SDCCAG8: variants seen among roughly 807,000 people sequenced by gnomAD.
SDCCAG8 encodes serologically defined colon cancer antigen 8.
SDCCAG8 carries 74 observed loss-of-function variants against 101.8 expected under a neutral mutation model. That is an observed-to-expected ratio of 0.73 (90% CI 0.60 to 0.88). The LOEUF is 0.88. SDCCAG8 is among the 40% of genes least tolerant of loss of function. SDCCAG8 has a pLI of 0.00. For synonymous variants in SDCCAG8, 281 were observed against 292.9 expected, an observed-to-expected ratio of 0.96 and a Z score of 0.41; for missense variants, 787 against 822.6, an observed-to-expected ratio of 0.96 and a Z score of 0.53.
chr1:243,330,696 C>T lies in SDCCAG8; in HGVS notation c.1221+4C>T. On this transcript the variant is annotated splice_donor_region_variant and intron_variant, in intron 10 of 17. Coordinates refer to ENST00000366541, the MANE Select transcript of SDCCAG8 (RefSeq NM_006642.5). ...AAGGGAGTACATGGGATCAAAGGTACTTAAGGACTCTGCTGTTATCCACAT... is the reference window on the plus strand; with the variant it reads ...AAGGGAGTACATGGGATCAAAGGTATTTAAGGACTCTGCTGTTATCCACAT... 1.9e-6 allele frequency: 3 copies of T among 1,614,014 alleles called. No homozygotes were observed. The highest frequency in any genetic ancestry group is 2.5e-6 in the Non-Finnish European group (3 of 1,179,934).
chr1:243,404,141 C>G (rs1032399109), intron 13 of SDCCAG8, among the ~76,000 whole-genome samples: 2 of 152,166 alleles, frequency 1.3e-5, no homozygotes, highest in Non-Finnish European at 2.9e-5. Context: ...CTGAAAGTAT[C>G]CTATTGTTTT....
At chr1:243,477,220 C>T (rs965931237) in intron 16 of SDCCAG8, among the ~76,000 whole-genome samples, 3 of 152,196 alleles carry the variant, frequency 2.0e-5, no homozygotes, top group African/African-American at 7.2e-5. Flanking sequence ...GTGTGCGTGG[C>T]AGTGTGGGTT....
At chr1:243,357,489 C>T (rs1273424861) in intron 12 of SDCCAG8, among the ~76,000 whole-genome samples, 1 of 152,168 alleles carries the variant, frequency 6.6e-6, no homozygotes, top group Non-Finnish European at 1.5e-5. Context: ...AGAGCAATGG[C>T]TTGGTGGGCA....
At position 243,270,251 on chromosome 1, in the gene SDCCAG8, C is replaced by A; in HGVS notation, c.214C>A (p.His72Asn). The A allele has an allele frequency of 6.2e-7, 1 of 1,614,058 alleles. No individual in the cohort carries two copies. Among genetic ancestry groups the A allele is most frequent in the Non-Finnish European group, 8.5e-7 (1 of 1,179,974 alleles). ...AGCCTGGCCCGAATTACAACAGAGC[C>A]ATGCTGGTGAGTGTGAATGTCAATC... Reference protein sequence around the residue: ...RTAWPELQQSHAVNQLKDLLR... With the variant: ...RTAWPELQQSNAVNQLKDLLR... The change falls in exon 2 of 18, where the codon CAT becomes AAT. Residue 72 changes from histidine to asparagine, a missense_variant. Physicochemically the swap from His to Asn is moderately conservative, Grantham distance 68. Coordinates refer to ENST00000366541, the MANE Select transcript of SDCCAG8 (RefSeq NM_006642.5).
intron 8 of SDCCAG8, among the ~76,000 whole-genome samples, chr1:243,310,719 A>G (rs1406071809): frequency 6.6e-6 from 1 of 152,260 alleles, no homozygotes; most frequent in African/African-American, 2.4e-5. Context: ...TATTTGCACT[A>G]TACATGACAA....
At chr1:243,313,014 C>T (rs2072902882) in intron 8 of SDCCAG8, among the ~76,000 whole-genome samples, 1 of 152,176 alleles carries the variant, frequency 6.6e-6, no homozygotes, top group South Asian at 2.1e-4. Flanking sequence ...GATGGAACTG[C>T]TTAAATTCCT....
intron 13 of SDCCAG8, among the ~76,000 whole-genome samples, chr1:243,414,337 G>A (rs564358385): frequency 6.6e-6 from 1 of 152,060 alleles, no homozygotes; most frequent in African/African-American, 2.4e-5. Context: ...TGGTGTGACT[G>A]GGGAGGCAAA....
At chr1:243,348,290 T>A (rs1172945603) in intron 12 of SDCCAG8, among the ~76,000 whole-genome samples, 1 of 150,956 alleles carries the variant, frequency 6.6e-6, no homozygotes, top group African/African-American at 2.4e-5. Context: ...GACCTCTTGA[T>A]CCGCCGGCCT....
chr1:243,430,080 C>T (rs569569201), intron 16 of SDCCAG8, among the ~76,000 whole-genome samples: 1 of 152,048 alleles, frequency 6.6e-6, no homozygotes, highest in Non-Finnish European at 1.5e-5. Flanking sequence ...ACCATCCTCC[C>T]GCCTCGGCCT....
intron 1 of SDCCAG8, among the ~76,000 whole-genome samples, chr1:243,263,228 T>C (rs1343600325): frequency 2.0e-5 from 3 of 152,240 alleles, no homozygotes; most frequent in Admixed American, 1.3e-4. Flanking sequence ...TATTGATTTT[T>C]TTTTATTGTC....
At chr1:243,436,558 G>A (rs1440772247) in intron 16 of SDCCAG8, among the ~76,000 whole-genome samples, 1 of 151,988 alleles carries the variant, frequency 6.6e-6, no homozygotes, top group African/African-American at 2.4e-5. Flanking sequence ...TCATCTGAGA[G>A]GAACACTCTT....
At chr1:243,428,177 A>G (rs940523850) in intron 16 of SDCCAG8, among the ~76,000 whole-genome samples, 6 of 152,198 alleles carry the variant, frequency 3.9e-5, no homozygotes, top group Non-Finnish European at 8.8e-5. Context: ...AAGTAGCTGC[A>G]TTTATCATCT....
intron 10 of SDCCAG8, among the ~76,000 whole-genome samples, chr1:243,336,252 C>T (rs1411587149): frequency 1.3e-5 from 2 of 152,200 alleles, no homozygotes; most frequent in Non-Finnish European, 2.9e-5. Flanking sequence ...ATTCCACCAA[C>T]AGAGCAGAAG....
intron 16 of SDCCAG8, among the ~76,000 whole-genome samples, chr1:243,476,523 A>T (rs1662437714): frequency 6.6e-6 from 1 of 152,192 alleles, no homozygotes; most frequent in South Asian, 2.1e-4. Context: ...CTCTGGGACC[A>T]CACCAGGAGG....
chr1:243,454,858 G>A (rs2083622548), intron 16 of SDCCAG8, among the ~76,000 whole-genome samples: 1 of 152,030 alleles, frequency 6.6e-6, no homozygotes, highest in South Asian at 2.1e-4. Flanking sequence ...GGTGTCTGGG[G>A]TAACCAGAGA....
rs138693100 is a variant in SDCCAG8 at position 243,391,846 on chromosome 1, C to T, written c.1616+12983C>T. Among the ~76,000 whole-genome samples the T allele has an allele frequency of 6.4e-4, 97 of 152,236 alleles. 1 individual carries two copies. In the East Asian group the frequency reaches 0.014, roughly 22 times the overall value. ...GTGTGCAGGAGGTGGGGGTGGTAGGCGGTCAAGGTGAAGCATTCAGAGTGG... is the reference window on the plus strand; with the variant it reads ...GTGTGCAGGAGGTGGGGGTGGTAGGTGGTCAAGGTGAAGCATTCAGAGTGG... On this transcript the variant is annotated intron_variant, in intron 13 of 17. Coordinates refer to ENST00000366541, the MANE Select transcript of SDCCAG8 (RefSeq NM_006642.5).
chr1:243,323,522 G>GT (rs2073924409), intron 9 of SDCCAG8, among the ~76,000 whole-genome samples: 1 of 151,904 alleles, frequency 6.6e-6, no homozygotes, highest in South Asian at 2.1e-4. Context: ...TCTCTCCACT[G>GT]TTTTTCCCCC....
intron 10 of SDCCAG8, among the ~76,000 whole-genome samples, chr1:243,331,982 A>C (rs2074635166): frequency 6.6e-6 from 1 of 152,246 alleles, no homozygotes; most frequent in Admixed American, 6.5e-5. Flanking sequence ...TGTAACAGGA[A>C]TCTGACCTTG....
intron 9 of SDCCAG8, among the ~76,000 whole-genome samples, chr1:243,324,105 A>G (rs991201716): frequency 6.6e-6 from 1 of 152,064 alleles, no homozygotes; most frequent in Non-Finnish European, 1.5e-5. Flanking sequence ...TGCTCTCCTG[A>G]GCCCCAGCCC....
Sources: gnomAD v4.1 joint callset for allele counts (sites outside exome capture counted in the v4.1 genomes callset) on GRCh38, gnomAD v4.1.1 for gene constraint, MANE v1.5 for transcripts, NCBI Gene and HGNC (gene_info 2026-07-23, HGNC 2026-07-21) for gene names.